FRMPD3: variants seen among roughly 807,000 people sequenced by gnomAD.
FRMPD3 encodes the protein FERM and PDZ domain containing 3.
A neutral mutation model predicts 97.9 loss-of-function variants in FRMPD3; 42 were observed. That is an observed-to-expected ratio of 0.43 (90% CI 0.34 to 0.55). The LOEUF (loss-of-function observed/expected upper bound fraction) is 0.55. Ranked by LOEUF, FRMPD3 falls within the 20% of genes least tolerant of loss-of-function variation. FRMPD3 has a pLI of 0.03. For synonymous variants in FRMPD3, 577 were observed against 581.1 expected (o/e 0.99, Z 0.10); for missense variants, 1,303 against 1,457.7 (o/e 0.89, Z 1.73).
chrX:107,479,857 CACACACACAGAGAG>C (rs370654718), intron 1 of FRMPD3, among the ~76,000 whole-genome samples: 78 of 106,777 alleles, frequency 7.3e-4, no homozygotes, highest in African/African-American at 2.6e-3. Context: ...CACACACACA[CACACACACAGAGAG>C]AGAGAGAGGG....
intron 1 of FRMPD3, among the ~76,000 whole-genome samples, chrX:107,483,837 G>C (rs971607470): frequency 9.0e-5 from 10 of 111,539 alleles, no homozygotes; most frequent in African/African-American, 2.6e-4. Context: ...TCCCTCTCTT[G>C]CTCTCTGCCT....
chrX:107,486,577 C>A (rs1041293581), intron 1 of FRMPD3, among the ~76,000 whole-genome samples: 5 of 112,213 alleles, frequency 4.5e-5, no homozygotes, highest in African/African-American at 1.6e-4. Flanking sequence ...ATCCAGTTGT[C>A]CCAGTACCAT....
chrX:107,501,370 T>TGTAAAAAATACTGACATAGGGGCC (rs1388241573), intron 1 of FRMPD3, among the ~76,000 whole-genome samples: 3 of 87,264 alleles, frequency 3.4e-5, no homozygotes, highest in African/African-American at 1.4e-4. Flanking sequence ...TTTTTTTTTT[T>TGTAAAAAATACTGACATAGGGGCC]TTTTTTTTTG....
chrX:107,595,846 G>A (rs902120622), intron 13 of FRMPD3, among the ~76,000 whole-genome samples: 2 of 108,332 alleles, frequency 1.8e-5, no homozygotes, highest in Non-Finnish European at 3.8e-5. Context: ...GCTGAGGCAG[G>A]AGAATCACTT....
At chrX:107,588,574 G>C (rs1923767880) in intron 13 of FRMPD3, among the ~76,000 whole-genome samples, 1 of 112,076 alleles carries the variant, frequency 8.9e-6, no homozygotes, top group African/African-American at 3.2e-5. Context: ...TCTTCTCATG[G>C]AGTATCTTAG....
intron 1 of FRMPD3, among the ~76,000 whole-genome samples, chrX:107,497,032 C>T (rs897232591): frequency 9.0e-6 from 1 of 111,434 alleles, no homozygotes; most frequent in Non-Finnish European, 1.9e-5. Flanking sequence ...AGTGGCCACC[C>T]CCTGAGGCTA....
rs748156263 is a variant in FRMPD3 at position 107,552,926 on chromosome X, T to C, written c.642T>C (p.Tyr214=). 2.5e-6 allele frequency: 3 copies of C among 1,203,722 alleles called. No homozygotes were observed. In the East Asian group the frequency reaches 8.9e-5, roughly 36 times the overall value. ...LLLQDKQPLA[Y]VVQRTHYHGM... is the part of the protein sequence containing the mutation. ...TTCAGGACAAGCAACCCCTGGCTTATGTAAGTAACTCTTTTTTACAGATAG... is the reference window on the plus strand; with the variant it reads ...TTCAGGACAAGCAACCCCTGGCTTACGTAAGTAACTCTTTTTTACAGATAG... The change falls in exon 7 of 15, where the codon TAT becomes TAC. Residue 214 remains tyrosine (Y), a splice_region_variant and synonymous_variant. Transcript: ENST00000683843.
At chrX:107,556,785 C>T (rs905657982) in intron 8 of FRMPD3, among the ~76,000 whole-genome samples, 2 of 111,915 alleles carry the variant, frequency 1.8e-5, no homozygotes, top group Non-Finnish European at 3.8e-5. Context: ...TATGTTGTTG[C>T]GTGTATCAAT....
chrX:107,587,277 CT>C (rs993189511), intron 13 of FRMPD3, among the ~76,000 whole-genome samples: 52 of 109,823 alleles, frequency 4.7e-4, no homozygotes, highest in African/African-American at 1.3e-3. Context: ...ACTACTCCTG[CT>C]TTTTTTTTCT....
intron 6 of FRMPD3, among the ~76,000 whole-genome samples, chrX:107,551,055 T>C (rs1289946352): frequency 8.9e-6 from 1 of 112,013 alleles, no homozygotes; most frequent in Non-Finnish European, 1.9e-5. Flanking sequence ...CCAGTGATTT[T>C]CAACCAGGAT....
intron 1 of FRMPD3, among the ~76,000 whole-genome samples, chrX:107,469,918 T>C (rs1262283615): frequency 8.9e-6 from 1 of 112,172 alleles, no homozygotes; most frequent in African/African-American, 3.2e-5. Context: ...TCTAAGACAC[T>C]GTGAACATTG....
Position 107,575,737 on chromosome X carries a change from C to T in FRMPD3, c.1297-578C>T, listed in dbSNP as rs182349871. Among the ~76,000 whole-genome samples, 173 of 112,552 alleles carry T rather than the reference C, an allele frequency of 1.5e-3. 3 individuals carry two copies. The highest frequency in any genetic ancestry group is 5.3e-3 in the African/African-American group (164 of 31,030). ...AAGTGCTGGGATTACAGGCATGAGCCACCGCGCCGGGCCGAGCATGACGCT... is the reference window on the plus strand; with the variant it reads ...AAGTGCTGGGATTACAGGCATGAGCTACCGCGCCGGGCCGAGCATGACGCT... On this transcript the variant is annotated intron_variant, in intron 12 of 14. Coordinates refer to ENST00000683843, the MANE Select transcript of FRMPD3 (RefSeq NM_001388459.1).
intron 1 of FRMPD3, among the ~76,000 whole-genome samples, chrX:107,512,058 C>T (rs1028161494): frequency 5.5e-5 from 6 of 109,219 alleles, no homozygotes; most frequent in South Asian, 4.0e-4. Context: ...CACACACACG[C>T]GCACACACAC....
chrX:107,505,139 C>G (rs866227697), intron 1 of FRMPD3, among the ~76,000 whole-genome samples: 24 of 112,293 alleles, frequency 2.1e-4, no homozygotes, highest in Middle Eastern at 4.2e-3. Context: ...ACCTTGGAGA[C>G]AGACTAATCC....
intron 8 of FRMPD3, among the ~76,000 whole-genome samples, chrX:107,557,691 G>T (rs1186502502): frequency 6.2e-5 from 6 of 96,264 alleles, no homozygotes; most frequent in Admixed American, 1.2e-4. Flanking sequence ...GTGTGTGTGT[G>T]TGTTTTTTTT....
At chrX:107,502,661 GACA>G (rs924806970) in intron 1 of FRMPD3, among the ~76,000 whole-genome samples, 8 of 111,750 alleles carry the variant, frequency 7.2e-5, no homozygotes, top group Admixed American at 2.8e-4. Context: ...CCAAAACAAT[GACA>G]ACAACAACGA....
chrX:107,493,936 G>C (rs757795809), intron 1 of FRMPD3, among the ~76,000 whole-genome samples: 2 of 111,598 alleles, frequency 1.8e-5, no homozygotes, highest in South Asian at 7.8e-4. Context: ...CCATGCACAA[G>C]CTCAAGAAAG....
At chrX:107,490,256 T>G (rs1368890577) in intron 1 of FRMPD3, among the ~76,000 whole-genome samples, 1 of 112,353 alleles carries the variant, frequency 8.9e-6, no homozygotes, top group Non-Finnish European at 1.9e-5. Context: ...TAGTATAGTT[T>G]GAAGTTGGGT....
intron 1 of FRMPD3, among the ~76,000 whole-genome samples, chrX:107,501,429 C>T (rs1921905406): frequency 1.5e-5 from 1 of 67,895 alleles, no homozygotes; most frequent in Non-Finnish European, 2.5e-5. Context: ...ACTGCAGTGG[C>T]GCAATCTCGG....
Sources: allele counts gnomAD v4.1 joint callset (sites outside exome capture counted in the v4.1 genomes callset), GRCh38; gene constraint gnomAD v4.1.1; transcripts MANE v1.5; gene names NCBI Gene and HGNC (gene_info 2026-07-23, HGNC 2026-07-21).